Variants in SOS2 observed in about 807,000 individuals in gnomAD.
The protein encoded by SOS2 is SOS Ras/Rho guanine nucleotide exchange factor 2, also known as son of sevenless homolog 2.
SOS2 carries 65 observed loss-of-function variants against 148.2 expected under a neutral mutation model. The observed-to-expected ratio is 0.44, with a 90% CI of 0.36 to 0.54. The LOEUF (loss-of-function observed/expected upper bound fraction) is 0.54. Among genes scored for constraint, SOS2 ranks in the 20% least tolerant of loss-of-function variants. SOS2 has a pLI of 0.00. For synonymous variants in SOS2, 539 were observed against 537.1 expected (o/e 1.00, Z -0.05); for missense variants, 1,341 against 1,590.2 (o/e 0.84, Z 2.67).
intron 1 of SOS2, among the ~76,000 whole-genome samples, chr14:50,205,088 CTTTTCTTTT>C (rs1886618049): frequency 6.6e-6 from 1 of 152,048 alleles, no homozygotes; most frequent in Non-Finnish European, 1.5e-5. Flanking sequence ...GCTTTCCTTT[CTTTTCTTTT>C]TTTGAGACAG....
At chr14:50,179,846 A>G (rs949768187) in intron 7 of SOS2, among the ~76,000 whole-genome samples, 2 of 152,142 alleles carry the variant, frequency 1.3e-5, no homozygotes, top group Non-Finnish European at 1.5e-5. Flanking sequence ...CCCTCAATAC[A>G]GTATTTATCT....
chr14:50,200,511 T>C (rs1216085379), intron 3 of SOS2, among the ~76,000 whole-genome samples: 2 of 152,074 alleles, frequency 1.3e-5, no homozygotes, highest in Non-Finnish European at 2.9e-5. Context: ...GCCTACTACA[T>C]AGGAATTAGT....
At chr14:50,193,910 G>C (rs571868826) in intron 4 of SOS2, among the ~76,000 whole-genome samples, 1 of 151,958 alleles carries the variant, frequency 6.6e-6, no homozygotes, top group Admixed American at 6.6e-5. Context: ...ACGTCTGGAC[G>C]ATTTTTTGTA....
chr14:50,141,700 T>C (rs1884294745), intron 16 of SOS2, among the ~76,000 whole-genome samples: 1 of 152,192 alleles, frequency 6.6e-6, no homozygotes, highest in Non-Finnish European at 1.5e-5. Flanking sequence ...TAATCTGTAA[T>C]TGGATTTAGA....
intron 11 of SOS2, 32 bp from the exon 12 acceptor site, chr14:50,157,153 T>C (rs1365579644): frequency 6.3e-7 from 1 of 1,596,382 alleles, no homozygotes; most frequent in South Asian, 1.1e-5. Flanking sequence ...GAAAAATCCG[T>C]TCATACATAA....
At chr14:50,156,191 T>C (rs762885028) in intron 12 of SOS2, 4 of 151,904 alleles carry the variant, frequency 2.6e-5, no homozygotes, top group Non-Finnish European at 2.9e-5. Flanking sequence ...AGATAATACT[T>C]TGGTTACTTG....
chr14:50,179,286 A>G (rs1473697827), intron 7 of SOS2, among the ~76,000 whole-genome samples: 1 of 150,138 alleles, frequency 6.7e-6, no homozygotes, highest in African/African-American at 2.5e-5. Flanking sequence ...TTATTCTACT[A>G]GAGTGAAGAA....
At chr14:50,174,382 CT>C in intron 8 of SOS2, 71 bp downstream of exon 8, 2 of 672,844 alleles carry the variant, frequency 3.0e-6, no homozygotes, top group Non-Finnish European at 4.8e-6. Context: ...TACTGTGTGT[CT>C]CCAAAATTAA....
chr14:50,126,651 A>C (rs1355521030), intron 21 of SOS2, among the ~76,000 whole-genome samples: 1 of 152,154 alleles, frequency 6.6e-6, no homozygotes, highest in African/African-American at 2.4e-5. Flanking sequence ...AAGAAAATAA[A>C]TAGAAGAGCT....
intron 16 of SOS2, among the ~76,000 whole-genome samples, chr14:50,142,268 A>G (rs1256563445): frequency 6.6e-6 from 1 of 152,144 alleles, no homozygotes; most frequent in Non-Finnish European, 1.5e-5. Flanking sequence ...TCAGCCTCCC[A>G]AAGTGTTGGG....
intron 1 of SOS2, among the ~76,000 whole-genome samples, chr14:50,222,932 G>C (rs549480798): frequency 5.0e-4 from 76 of 152,332 alleles, no homozygotes; most frequent in Non-Finnish European, 8.7e-4. Context: ...CAGATGATCA[G>C]AGACCAGTTG....
intron 1 of SOS2, among the ~76,000 whole-genome samples, chr14:50,225,676 T>C (rs1267799311): frequency 2.0e-5 from 3 of 152,210 alleles, no homozygotes; most frequent in African/African-American, 7.2e-5. Flanking sequence ...TACTGTTACA[T>C]TCAGCGGCTT....
chr14:50,182,627 T>A lies in SOS2; in HGVS notation c.715-21A>T, dbSNP rs1202206728. ...ATATCCTGAAAAAAGAGAAGGAAGG[T>A]TAAGAAATGTGAGATTGAGAATTCT... On this transcript the variant is annotated intron_variant, in intron 5 of 22. Transcript: ENST00000216373. 3 of 1,583,934 alleles carry A rather than the reference T, an allele frequency of 1.9e-6. No individual in the cohort carries two copies. In the East Asian group the frequency reaches 6.7e-5, roughly 35 times the overall value.
Position 50,218,463 on chromosome 14 carries a change from C to T in SOS2, c.87+12734G>A, listed in dbSNP as rs144855527. On this transcript the variant is annotated intron_variant, in intron 1 of 22. Transcript: ENST00000216373. ...GCTCGAACCCGGAAGGCGGAGGGTG[C>T]AGTGAGCTGAGATTGTGCCACTGCA... is the stretch of plus-strand genomic sequence containing the variant. Among the ~76,000 whole-genome samples the T allele has an allele frequency of 5.8e-3, 873 of 151,810 alleles. 10 individuals are homozygous for T. The highest frequency in any genetic ancestry group is 0.019 in the African/African-American group (785 of 41,416).
At chr14:50,119,799 C>G (rs1013457802) in intron 22 of SOS2, among the ~76,000 whole-genome samples, 6 of 137,970 alleles carry the variant, frequency 4.3e-5, no homozygotes, top group African/African-American at 1.6e-4. Context: ...GCCTCCCAAC[C>G]AGCCTTTTTT....
chr14:50,166,218 G>A (rs1020072674), intron 8 of SOS2, among the ~76,000 whole-genome samples: 2 of 152,028 alleles, frequency 1.3e-5, no homozygotes, highest in African/African-American at 4.8e-5. Flanking sequence ...TTTATTAATG[G>A]GTAATATCTT....
chr14:50,149,030 G>T (rs1429800623), intron 14 of SOS2, among the ~76,000 whole-genome samples: 2 of 152,150 alleles, frequency 1.3e-5, no homozygotes, highest in African/African-American at 2.4e-5. Flanking sequence ...TGGGACTACA[G>T]GGGCACTACA....
Position 50,175,689 on chromosome 14 carries a change from T to C in SOS2, c.970-1137A>G, listed in dbSNP as rs1317908407. 2.0e-5 allele frequency among the ~76,000 whole-genome samples: 3 copies of C among 152,092 alleles called. No individual in the cohort carries two copies. The East Asian group carries it at 5.8e-4, about 29-fold the overall frequency. On this transcript the variant is annotated intron_variant, in intron 7 of 22. Transcript: ENST00000216373. Reference sequence around the variant, plus strand: ...GTTTTGGAAACTACTGTAGAATAAATGGTTTTCTAAAATTTATAATGGATT... The same window carrying C: ...GTTTTGGAAACTACTGTAGAATAAACGGTTTTCTAAAATTTATAATGGATT...
intron 18 of SOS2, 152 bp from the exon 19 acceptor site, chr14:50,134,391 C>T: frequency 1.9e-6 from 1 of 531,674 alleles, no homozygotes; most frequent in Admixed American, 3.6e-5. Context: ...GAAAAGTTCA[C>T]AAGTGTTGCT....
Sources: allele counts gnomAD v4.1 joint callset (sites outside exome capture counted in the v4.1 genomes callset), GRCh38; gene constraint gnomAD v4.1.1; transcripts MANE v1.5; gene names NCBI Gene and HGNC (gene_info 2026-07-23, HGNC 2026-07-21).